Variants in STK3 observed in about 807,000 individuals in gnomAD.
The protein encoded by STK3 is serine/threonine-protein kinase 3.
Under a neutral mutation model 58.0 loss-of-function variants are expected in STK3, and 41 were observed. The ratio of observed to expected loss-of-function variants is 0.71; its 90% confidence interval spans 0.55 to 0.92. The LOEUF is 0.92. Among genes scored for constraint, STK3 ranks in the 40% least tolerant of loss-of-function variants. The probability of loss-of-function intolerance (pLI) is 0.00; values close to 1 mark genes in which losing one functional copy is unlikely to be tolerated. For missense variants in STK3, 479 were observed against 602.7 expected (o/e 0.79, Z 2.15); for synonymous variants, 170 against 191.0 (o/e 0.89, Z 0.91).
intron 3 of STK3, among the ~76,000 whole-genome samples, chr8:98,407,751 T>C (rs866951571): frequency 3.3e-4 from 35 of 106,536 alleles, no homozygotes; most frequent in African/African-American, 9.2e-4. Context: ...TGTGTGTGTG[T>C]GTGTGTGCGC....
At chr8:98,817,433 G>A (rs1330268347) in intron 1 of STK3, among the ~76,000 whole-genome samples, 15 of 132,116 alleles carry the variant, frequency 1.1e-4, no homozygotes, top group African/African-American at 1.5e-4. Context: ...CAGCCTGGGC[G>A]ACAGAGCAAG....
chr8:98,414,819 C>T (rs1377772622), intron 3 of STK3, among the ~76,000 whole-genome samples: 1 of 152,176 alleles, frequency 6.6e-6, no homozygotes, highest in East Asian at 1.9e-4. Flanking sequence ...TCCCTTTCTC[C>T]TTCTCCTGGC....
At chr8:98,508,254 A>G (rs1309959792) in intron 10 of STK3, among the ~76,000 whole-genome samples, 1 of 152,186 alleles carries the variant, frequency 6.6e-6, no homozygotes, top group African/African-American at 2.4e-5. Flanking sequence ...ATACTGCTTC[A>G]GGAAACACTT....
chr8:98,429,275 T>C (rs1330693055), intron 3 of STK3: 1 of 1,614,106 alleles, frequency 6.2e-7, no homozygotes, highest in South Asian at 1.1e-5. Flanking sequence ...GCTGTGACTT[T>C]GGAGATGGAA....
intron 6 of STK3, among the ~76,000 whole-genome samples, chr8:98,699,358 A>C (rs1825322289): frequency 6.6e-6 from 1 of 152,192 alleles, no homozygotes; most frequent in African/African-American, 2.4e-5. Context: ...TTCTTCTCTC[A>C]ACTCGTCAAA....
chr8:98,469,277 T>A (rs1820733155), intron 10 of STK3, among the ~76,000 whole-genome samples: 2 of 148,376 alleles, frequency 1.3e-5, no homozygotes, highest in African/African-American at 5.0e-5. Context: ...GGTCTGAGAA[T>A]GGCGCCAAAT....
intron 8 of STK3, among the ~76,000 whole-genome samples, chr8:98,556,657 G>A (rs190349182): frequency 3.3e-5 from 5 of 152,166 alleles, no homozygotes; most frequent in African/African-American, 1.2e-4. Context: ...AGCATAAGTT[G>A]CTTGGCAAAG....
chr8:98,710,684 T>C (rs1301824770), intron 4 of STK3, among the ~76,000 whole-genome samples: 1 of 152,214 alleles, frequency 6.6e-6, no homozygotes, highest in African/African-American at 2.4e-5. Context: ...TCAAGGAGGC[T>C]GGCCTACCTC....
intron 6 of STK3, among the ~76,000 whole-genome samples, chr8:98,628,011 A>C (rs946194082): frequency 1.3e-5 from 2 of 152,236 alleles, no homozygotes; most frequent in African/African-American, 4.8e-5. Context: ...TCAGGTACTA[A>C]GCAAACAGCT....
intron 6 of STK3, among the ~76,000 whole-genome samples, chr8:98,661,712 A>G (rs1316952651): frequency 1.3e-5 from 2 of 151,916 alleles, no homozygotes; most frequent in Non-Finnish European, 2.9e-5. Flanking sequence ...CCACATACAT[A>G]AATAATCTAC....
At chr8:98,592,705 A>C (rs377079936) in intron 7 of STK3, among the ~76,000 whole-genome samples, 1 of 151,834 alleles carries the variant, frequency 6.6e-6, no homozygotes, top group South Asian at 2.1e-4. Flanking sequence ...AAAAGGGAAG[A>C]GATCATGGAA....
intron 6 of STK3, among the ~76,000 whole-genome samples, chr8:98,608,765 T>C (rs1442029590): frequency 6.6e-6 from 1 of 152,172 alleles, no homozygotes; most frequent in Non-Finnish European, 1.5e-5. Flanking sequence ...CATAGCTTGA[T>C]GCAGTAGTCA....
chr8:98,804,079 GC>G (rs758687067), intron 1 of STK3, among the ~76,000 whole-genome samples: 1 of 151,812 alleles, frequency 6.6e-6, no homozygotes, highest in Non-Finnish European at 1.5e-5. Context: ...TTGGCTCTCT[GC>G]AACCTCCGCC....
At chr8:98,579,109 C>T (rs1038180158) in intron 8 of STK3, among the ~76,000 whole-genome samples, 16 of 152,014 alleles carry the variant, frequency 1.1e-4, no homozygotes, top group Non-Finnish European at 2.9e-5. Flanking sequence ...CAAGATCGTG[C>T]CACTGTACTC....
At chr8:98,640,993 T>G (rs1035152680) in intron 6 of STK3, among the ~76,000 whole-genome samples, 2 of 151,078 alleles carry the variant, frequency 1.3e-5, no homozygotes, top group Non-Finnish European at 3.0e-5. Flanking sequence ...TAATATGTAT[T>G]TATATAGTAT....
In STK3 at chr8:98,587,123, T is replaced by G. The variant is rs564647870; in HGVS notation, c.823-7334A>C. ...TCAGTTCTGCTCTGATTTTAGTTAT[T>G]TCTTGCCTTCTGCTAGCTTTTGAAT... is the stretch of plus-strand genomic sequence containing the variant. On this transcript the variant is annotated intron_variant, in intron 7 of 10. Coordinates refer to ENST00000419617, the MANE Select transcript of STK3 (RefSeq NM_006281.4). Among the ~76,000 whole-genome samples the G allele has an allele frequency of 1.8e-3, 273 of 152,272 alleles. 4 individuals are homozygous for G. Among genetic ancestry groups the G allele is most frequent in the Middle Eastern group, 6.8e-3 (2 of 294 alleles).
At chr8:98,854,984 T>A (rs1258833398) in intron 3 of STK3, among the ~76,000 whole-genome samples, 2 of 152,108 alleles carry the variant, frequency 1.3e-5, no homozygotes, top group Non-Finnish European at 2.9e-5. Flanking sequence ...TTGGACCTGG[T>A]AGGCGGAGAT....
intron 1 of STK3, 81 bp downstream of exon 1, chr8:98,825,434 C>G (rs1200416966): frequency 7.6e-7 from 1 of 1,310,214 alleles, no homozygotes; most frequent in South Asian, 1.6e-5. Flanking sequence ...GAGAGGCTCG[C>G]AGCAGGGCCT....
chr8:98,533,784 C>A (rs1401161596), intron 9 of STK3, among the ~76,000 whole-genome samples: 1 of 152,294 alleles, frequency 6.6e-6, no homozygotes, highest in East Asian at 1.9e-4. Flanking sequence ...GCCACCATAC[C>A]TCGCTGAGTT....
Sources: allele counts gnomAD v4.1 joint callset (sites outside exome capture counted in the v4.1 genomes callset), GRCh38; gene constraint gnomAD v4.1.1; transcripts MANE v1.5; gene names NCBI Gene and HGNC (gene_info 2026-07-23, HGNC 2026-07-21).